Variants in ACVR2B observed in about 807,000 individuals in gnomAD.
ACVR2B encodes the protein activin receptor type-2B.
Under a neutral mutation model 65.1 loss-of-function variants are expected in ACVR2B, and 18 were observed. The observed-to-expected ratio is 0.28, with a 90% CI of 0.19 to 0.41. The LOEUF (loss-of-function observed/expected upper bound fraction) is 0.41, where lower values mean the gene tolerates loss of function less well. Among genes scored for constraint, ACVR2B ranks in the 10% least tolerant of loss-of-function variants. The pLI, the probability that ACVR2B is intolerant of heterozygous loss-of-function variation, is 1.00. For missense variants in ACVR2B, 482 were observed against 682.7 expected, an observed-to-expected ratio of 0.71 and a Z score of 3.28; for synonymous variants, 298 against 277.7, an observed-to-expected ratio of 1.07 and a Z score of -0.73.
At chr3:38,469,647 C>T (rs1465568880) in intron 1 of ACVR2B, among the ~76,000 whole-genome samples, 1 of 152,122 alleles carries the variant, frequency 6.6e-6, no homozygotes, top group Non-Finnish European at 1.5e-5. Flanking sequence ...TAGTTAATGT[C>T]CTAGGGAGAT....
chr3:38,455,083 T>A (rs892719852), intron 1 of ACVR2B, among the ~76,000 whole-genome samples: 2 of 152,018 alleles, frequency 1.3e-5, no homozygotes, highest in African/African-American at 2.4e-5. Flanking sequence ...GCGGGGTGGG[T>A]GACCAGCGCT....
intron 1 of ACVR2B, among the ~76,000 whole-genome samples, chr3:38,458,538 G>T (rs984374620): frequency 1.3e-5 from 2 of 152,144 alleles, no homozygotes; most frequent in Non-Finnish European, 2.9e-5. Flanking sequence ...CACTTACTTT[G>T]CCTTTTGTGA....
intron 1 of ACVR2B, among the ~76,000 whole-genome samples, chr3:38,458,219 A>C (rs1466851517): frequency 6.6e-6 from 1 of 152,020 alleles, no homozygotes; most frequent in Non-Finnish European, 1.5e-5. Flanking sequence ...CTGGCACTTC[A>C]CCTAAGGAAC....
intron 7 of ACVR2B, 103 bp downstream of exon 7, chr3:38,479,929 C>CT: frequency 2.8e-6 from 4 of 1,436,162 alleles, no homozygotes; most frequent in East Asian, 2.5e-5. Context: ...CCTAAACATA[C>CT]TTACCCTGCT....
chr3:38,482,302 G>A lies in ACVR2B; in HGVS notation c.1179G>A (p.Leu393=). 2 of 1,612,588 alleles carry A rather than the reference G, an allele frequency of 1.2e-6. No individual in the cohort carries two copies. The highest frequency in any genetic ancestry group is 1.7e-6 in the Non-Finnish European group (2 of 1,179,750). ...RIDMYAMGLV[L]WELVSRCKAA... Reference sequence around the variant, plus strand: ...ACATGTATGCCATGGGGTTGGTGCTGTGGGAGCTTGTGTCTCGCTGCAAGG... The same window carrying A: ...ACATGTATGCCATGGGGTTGGTGCTATGGGAGCTTGTGTCTCGCTGCAAGG... Residue 393 remains leucine (L), a synonymous_variant, in exon 9 of 11, where the codon CTG becomes CTA. Transcript: ENST00000352511.
chr3:38,471,783 A>G (rs1407465646), intron 1 of ACVR2B, among the ~76,000 whole-genome samples: 1 of 152,166 alleles, frequency 6.6e-6, no homozygotes, highest in Non-Finnish European at 1.5e-5. Flanking sequence ...GTTTTTATAA[A>G]ATGAGGACCT....
At chr3:38,457,644 G>A (rs989191522) in intron 1 of ACVR2B, among the ~76,000 whole-genome samples, 9 of 152,304 alleles carry the variant, frequency 5.9e-5, no homozygotes, top group Non-Finnish European at 1.2e-4. Context: ...CTGTACTTGG[G>A]GTTCAGATCA....
rs367813027 is a variant in ACVR2B, at chr3:38,483,344, G to A, written c.*12G>A. 4.3e-5 allele frequency: 69 copies of A among 1,613,870 alleles called. No individual in the cohort carries two copies. Among genetic ancestry groups the A allele is most frequent in the Non-Finnish European group, 5.3e-5 (62 of 1,179,946 alleles). ...AGTCAAGCATCTAAGCCCAGGACAT[G>A]AGTGTCTGTCCAGACTCAGTGGATC... is the stretch of plus-strand genomic sequence containing the variant. On this transcript the variant is annotated 3_prime_UTR_variant, in exon 11 of 11. Coordinates refer to ENST00000352511, the MANE Select transcript of ACVR2B (RefSeq NM_001106.4). The surrounding 1 kb of genome is among the most constrained non-coding windows in gnomAD (Gnocchi z 4.8).
chr3:38,457,447 T>G (rs1362034542), intron 1 of ACVR2B, among the ~76,000 whole-genome samples: 1 of 152,224 alleles, frequency 6.6e-6, no homozygotes, highest in Non-Finnish European at 1.5e-5. Flanking sequence ...GTAATAAATG[T>G]CACATGGTGC....
intron 1 of ACVR2B, among the ~76,000 whole-genome samples, chr3:38,460,618 A>G (rs926783425): frequency 1.3e-5 from 2 of 152,178 alleles, no homozygotes; most frequent in African/African-American, 2.4e-5. Flanking sequence ...GGCAGCTCCA[A>G]CTGGGTGTTT....
intron 1 of ACVR2B, among the ~76,000 whole-genome samples, chr3:38,465,932 C>T (rs1013490141): frequency 1.3e-5 from 2 of 152,138 alleles, no homozygotes; most frequent in African/African-American, 2.4e-5. Flanking sequence ...GCATTACTAT[C>T]AAAAGAGCTG....
In ACVR2B at chr3:38,490,225, C is replaced by G. The variant is rs1010225057; in HGVS notation, c.*6893C>G. On this transcript the variant is annotated 3_prime_UTR_variant, in exon 11 of 11. Transcript: ENST00000352511. ...GTTAATTTCTGGTATGCATAATGGC[C>G]AGTCCTGAGGCCCAGCTGAAGACCT... The G allele has an allele frequency of 2.0e-5, 3 of 152,216 alleles. No individual in the cohort carries two copies. The highest frequency in any genetic ancestry group is 7.2e-5 in the African/African-American group (3 of 41,440). The allele number at this position is 152,216 out of a possible 1,614,324, so 9.4% of individuals were successfully genotyped here.
At chr3:38,458,733 C>T (rs1709590922) in intron 1 of ACVR2B, among the ~76,000 whole-genome samples, 1 of 152,166 alleles carries the variant, frequency 6.6e-6, no homozygotes, top group African/African-American at 2.4e-5. Context: ...GGATTGGGAT[C>T]TGGAGGGTTG....
chr3:38,478,207 T>G lies in ACVR2B; in HGVS notation c.437T>G (p.Ile146Ser), dbSNP rs757221967. The change falls in exon 4 of 11, where the codon ATC becomes AGC. Residue 146 changes from isoleucine (I) to serine (S), a missense_variant. Transcript: ENST00000352511. ...GTGCTGGCCTACTCACTGCTGCCCA[T>G]CGGGGGCCTTTCCCTCATCGTCCTG... ...LTVLAYSLLPIGGLSLIVLLA... is the reference protein window; with the variant it reads ...LTVLAYSLLPSGGLSLIVLLA... The G allele has an allele frequency of 1.7e-5, 28 of 1,613,856 alleles. No homozygotes were observed. Among genetic ancestry groups the G allele is most frequent in the Non-Finnish European group, 2.1e-5 (25 of 1,180,012 alleles).
chr3:38,461,040 C>T (rs1000015367), intron 1 of ACVR2B, among the ~76,000 whole-genome samples: 1 of 152,164 alleles, frequency 6.6e-6, no homozygotes, highest in Admixed American at 6.5e-5. Context: ...GCCTCCCAGA[C>T]TTGAACCAAT....
At position 38,486,995 on chromosome 3, in the gene ACVR2B, C is replaced by T. The variant is rs1454871176; in HGVS notation, c.*3663C>T. 6.6e-6 allele frequency: 1 copy of T among 152,324 alleles called. No individual in the cohort carries two copies. 9.4% of individuals were successfully genotyped at this position (152,324 alleles called of 1,614,324 possible). ...TTCTCCTGGGACCATTGGTCCTCAG[C>T]AGGAGTTCTTTGCATGAGTTGCTCA... On this transcript the variant is annotated 3_prime_UTR_variant, in exon 11 of 11. Transcript: ENST00000352511.
chr3:38,482,189 C>A lies in ACVR2B; in HGVS notation c.1075-9C>A. ...ACTGTAAATCCTGCCCTCCTCTGTCCTCACATAGGTAGGCACGAGACGGTA... is the reference window on the plus strand; with the variant it reads ...ACTGTAAATCCTGCCCTCCTCTGTCATCACATAGGTAGGCACGAGACGGTA... On this transcript the variant is annotated splice_polypyrimidine_tract_variant and intron_variant, in intron 8 of 10. Transcript: ENST00000352511. 6.2e-7 allele frequency: 1 copy of A among 1,613,736 alleles called. No individual in the cohort carries two copies. Among genetic ancestry groups the A allele is most frequent in the Non-Finnish European group, 8.5e-7 (1 of 1,179,968 alleles).
chr3:38,483,438 G>A lies in ACVR2B; in HGVS notation c.*106G>A. 1 of 922,470 alleles carries A rather than the reference G, an allele frequency of 1.1e-6. No homozygotes were observed. Among genetic ancestry groups the A allele is most frequent in the South Asian group, 1.4e-5 (1 of 69,224 alleles). The allele number at this position is 922,470 out of a possible 1,614,324, so 57.1% of individuals were successfully genotyped here. A position where few individuals can be genotyped will look rare whatever the true frequency, so the allele number is the denominator to read the frequency against. On this transcript the variant is annotated 3_prime_UTR_variant, in exon 11 of 11. Transcript: ENST00000352511. The surrounding 1 kb of genome is among the most constrained non-coding windows in gnomAD (Gnocchi z 4.8). The stretch of plus-strand genomic sequence containing the variant: ...CATAAAACCAACAAACACATAAAAT[G>A]CAGCTGCTATTTTACCTTGACTTTT...
At chr3:38,479,547 C>T (rs1205625001) in intron 6 of ACVR2B, 131 bp from the exon 7 acceptor site, 2 of 1,176,252 alleles carry the variant, frequency 1.7e-6, no homozygotes, top group Non-Finnish European at 2.5e-6. Flanking sequence ...ATCCATCTTC[C>T]ATATCGATTG....
Sources: allele counts gnomAD v4.1 joint callset (sites outside exome capture counted in the v4.1 genomes callset), GRCh38; gene constraint gnomAD v4.1.1; non-coding constraint Gnocchi (gnomAD v3.1); transcripts MANE v1.5; gene names NCBI Gene and HGNC (gene_info 2026-07-23, HGNC 2026-07-21).